Variants in RGMB observed in about 807,000 individuals in gnomAD.
RGMB encodes the protein repulsive guidance molecule BMP co-receptor b, also known as repulsive guidance molecule B.
In RGMB, 16 loss-of-function variants were observed where a neutral mutation model predicts 26.9. The observed-to-expected ratio is 0.60, with a 90% CI of 0.40 to 0.90. The LOEUF is 0.90. Ranked by LOEUF, RGMB falls within the 40% of genes least tolerant of loss-of-function variation. The pLI is 0.00. For missense variants in RGMB, 512 were observed against 573.3 expected, an observed-to-expected ratio of 0.89 and a Z score of 1.09; for synonymous variants, 225 against 229.3, an observed-to-expected ratio of 0.98 and a Z score of 0.17.
At chr5:98,776,955 G>A (rs928264886) in intron 1 of RGMB, among the ~76,000 whole-genome samples, 2 of 152,004 alleles carry the variant, frequency 1.3e-5, no homozygotes, top group Admixed American at 1.3e-4. Flanking sequence ...GTGTGGTGGC[G>A]CGTGCCTGTA....
At chr5:98,780,233 A>G (rs1046166388) in intron 2 of RGMB, 145 bp downstream of exon 2, 25 of 679,264 alleles carry the variant, frequency 3.7e-5, no homozygotes, top group Non-Finnish European at 1.7e-5. Flanking sequence ...AAAGGGTTAA[A>G]TAAAAATTAT....
intron 2 of RGMB, among the ~76,000 whole-genome samples, chr5:98,791,648 T>A (rs532872380): frequency 6.6e-6 from 1 of 152,306 alleles, no homozygotes; most frequent in South Asian, 2.1e-4. Flanking sequence ...ATACTTTTTG[T>A]TTTTTCAAGA....
chr5:98,788,228 C>T (rs1746820954), intron 2 of RGMB, among the ~76,000 whole-genome samples: 1 of 152,196 alleles, frequency 6.6e-6, no homozygotes, highest in Non-Finnish European at 1.5e-5. Context: ...CTCGTAAACA[C>T]AGGTACTGTC....
At chr5:98,775,153 C>T (rs1308040286) in intron 1 of RGMB, among the ~76,000 whole-genome samples, 1 of 152,106 alleles carries the variant, frequency 6.6e-6, no homozygotes, top group African/African-American at 2.4e-5. Context: ...ATATGAGACA[C>T]TTCACAACGT....
In RGMB at chr5:98,774,017, A is replaced by G; in HGVS notation, c.-54A>G. On this transcript the variant is annotated 5_prime_UTR_variant, in exon 1 of 3. Coordinates refer to ENST00000513185, the MANE Select transcript of RGMB (RefSeq NM_001366508.1). ...CCGCAGCCACGGGCCCAGACCCGCCACGGCGCCCGCGCCGCCGCCCTCGCC... is the reference window on the plus strand; with the variant it reads ...CCGCAGCCACGGGCCCAGACCCGCCGCGGCGCCCGCGCCGCCGCCCTCGCC... 1 of 662,254 alleles carries G rather than the reference A, an allele frequency of 1.5e-6. No homozygotes were observed. The highest frequency in any genetic ancestry group is 2.8e-5 in the Admixed American group (1 of 35,874). The allele number at this position is 662,254 out of a possible 1,614,324, so 41.0% of individuals were successfully genotyped here.
rs553391197 is a variant in RGMB, at chr5:98,776,702, G to C, written c.136+2496G>C. On this transcript the variant is annotated intron_variant, in intron 1 of 2. Transcript: ENST00000513185. ...CCCATCATCTCTGTAGCAGAAGGCT[G>C]TTGGAAGCCTTAGCCAAAGCAAAAG... Among the ~76,000 whole-genome samples the C allele has an allele frequency of 1.4e-3, 209 of 152,252 alleles. 10 individuals are homozygous for C. The South Asian group carries it at 0.042, about 31-fold the overall frequency.
upstream of RGMB, chr5:98,770,456 G>C (rs958345968): frequency 4.7e-6 from 2 of 422,402 alleles, no homozygotes; most frequent in Non-Finnish European, 8.5e-6. Context: ...GTTTTGAGCG[G>C]TGAGAGCAGC....
Position 98,793,590 on chromosome 5 carries a change from T to TAG in RGMB, c.1151_1152insAG (p.Phe384LeufsTer44). On this transcript the variant is annotated frameshift_variant, in exon 3 of 3. Coordinates refer to ENST00000513185, the MANE Select transcript of RGMB (RefSeq NM_001366508.1). LOFTEE classifies it low-confidence loss of function (END_TRUNC). ...CTGCTCACCACTGGTGATGCCAACT[T>TAG]TACTGCCGCAGCCCACAGTGCCTTG... is the stretch of plus-strand genomic sequence containing the variant. The TAG allele has an allele frequency of 6.2e-7, 1 of 1,613,968 alleles. No homozygotes were observed. Among genetic ancestry groups the TAG allele is most frequent in the Non-Finnish European group, 8.5e-7 (1 of 1,179,890 alleles).
chr5:98,782,340 A>G (rs1306869311), intron 2 of RGMB, among the ~76,000 whole-genome samples: 3 of 152,246 alleles, frequency 2.0e-5, no homozygotes, highest in Non-Finnish European at 4.4e-5. Flanking sequence ...AACCTTTAAA[A>G]ACCTTCAGCA....
At chr5:98,789,076 A>C (rs553357849) in intron 2 of RGMB, among the ~76,000 whole-genome samples, 1 of 152,252 alleles carries the variant, frequency 6.6e-6, no homozygotes, top group Non-Finnish European at 1.5e-5. Context: ...AATAAAATTC[A>C]TCGACTTCTT....
At position 98,793,859 on chromosome 5, in the gene RGMB, A is replaced by G; in HGVS notation, c.*106A>G. On this transcript the variant is annotated 3_prime_UTR_variant, in exon 3 of 3. Transcript: ENST00000513185. ...AAGAGTATATATGTATATACCATGTATATGACAGGATGTTTGTCCTGGGAC... is the reference window on the plus strand; with the variant it reads ...AAGAGTATATATGTATATACCATGTGTATGACAGGATGTTTGTCCTGGGAC... 1 of 867,310 alleles carries G rather than the reference A, an allele frequency of 1.2e-6. No homozygotes were observed. Among genetic ancestry groups the G allele is most frequent in the East Asian group, 2.7e-5 (1 of 37,118 alleles). 53.7% of individuals were successfully genotyped at this position (867,310 alleles called of 1,614,324 possible).
At chr5:98,780,197 C>A in intron 2 of RGMB, 109 bp downstream of exon 2, 2 of 1,000,936 alleles carry the variant, frequency 2.0e-6, no homozygotes, top group South Asian at 3.6e-5. Flanking sequence ...AAAGGAACTT[C>A]TTTTGAAAAG....
chr5:98,787,580 G>A (rs922494463), intron 2 of RGMB, among the ~76,000 whole-genome samples: 2 of 152,180 alleles, frequency 1.3e-5, no homozygotes, highest in Non-Finnish European at 2.9e-5. Context: ...TTCATATCTG[G>A]GCATATAGTG....
intron 2 of RGMB, among the ~76,000 whole-genome samples, chr5:98,792,360 C>T (rs1027480744): frequency 2.6e-5 from 4 of 152,116 alleles, no homozygotes; most frequent in Non-Finnish European, 4.4e-5. Context: ...AACTCAGAAA[C>T]GAGCCTTTTT....
At position 98,793,847 on chromosome 5, in the gene RGMB, T is replaced by C; in HGVS notation, c.*94T>C. 1.1e-6 allele frequency: 1 copy of C among 939,410 alleles called. No individual in the cohort carries two copies. Among genetic ancestry groups the C allele is most frequent in the Non-Finnish European group, 1.5e-6 (1 of 646,018 alleles). The allele number at this position is 939,410 out of a possible 1,614,324, so 58.2% of individuals were successfully genotyped here. ...TATATTGAGTAAAAGAGTATATATGTATATACCATGTATATGACAGGATGT... is the reference window on the plus strand; with the variant it reads ...TATATTGAGTAAAAGAGTATATATGCATATACCATGTATATGACAGGATGT... On this transcript the variant is annotated 3_prime_UTR_variant, in exon 3 of 3. Transcript: ENST00000513185.
At chr5:98,789,534 A>T (rs1580292331) in intron 2 of RGMB, among the ~76,000 whole-genome samples, 1 of 151,634 alleles carries the variant, frequency 6.6e-6, no homozygotes, top group Non-Finnish European at 1.5e-5. Context: ...AAATTATTTC[A>T]CAGCAAACCT....
Position 98,774,027 on chromosome 5 carries a change from C to A in RGMB, c.-44C>A. On this transcript the variant is annotated 5_prime_UTR_variant, in exon 1 of 3. Coordinates refer to ENST00000513185, the MANE Select transcript of RGMB (RefSeq NM_001366508.1). ...GGGCCCAGACCCGCCACGGCGCCCGCGCCGCCGCCCTCGCCGGAGCCCACG... is the reference window on the plus strand; with the variant it reads ...GGGCCCAGACCCGCCACGGCGCCCGAGCCGCCGCCCTCGCCGGAGCCCACG... 1.4e-6 allele frequency: 1 copy of A among 699,278 alleles called. No homozygotes were observed. Among genetic ancestry groups the A allele is most frequent in the African/African-American group, 1.9e-5 (1 of 52,922 alleles). The allele number at this position is 699,278 out of a possible 1,614,324, so 43.3% of individuals were successfully genotyped here. A position where few individuals can be genotyped will look rare whatever the true frequency, so the allele number is the denominator to read the frequency against.
chr5:98,774,153 C>G lies in RGMB; in HGVS notation c.83C>G (p.Pro28Arg), dbSNP rs1289615016. The change falls in exon 1 of 3, where the codon CCG becomes CGG. Residue 28 changes from proline (P) to arginine (R), a missense_variant. Physicochemically the swap from Pro to Arg is moderately radical, Grantham distance 103. Transcript: ENST00000513185. ...CGCCGCAGCCCCGGGCTCTGCCCCC[C>G]GCCGCTGGAGCTGCTGCTGCTGCTG... ...EQRRSPGLCP[P>R]PLELLLLLLF... 2.0e-6 allele frequency: 3 copies of G among 1,498,160 alleles called. No individual in the cohort carries two copies. Among genetic ancestry groups the G allele is most frequent in the Admixed American group, 4.2e-5 (2 of 47,476 alleles). The allele number at this position is 1,498,160 out of a possible 1,614,324, so 92.8% of individuals were successfully genotyped here. A position where few individuals can be genotyped will look rare whatever the true frequency, so the allele number is the denominator to read the frequency against.
chr5:98,786,483 T>C (rs2662260), intron 2 of RGMB, among the ~76,000 whole-genome samples: 22,823 of 152,218 alleles, frequency 0.15, 1,865 homozygotes, highest in Middle Eastern at 0.22. Flanking sequence ...GGGGAAGGGG[T>C]GAGAAGGAAG....
Sources: gnomAD v4.1 joint callset for allele counts (sites outside exome capture counted in the v4.1 genomes callset) on GRCh38, gnomAD v4.1.1 for gene constraint, MANE v1.5 for transcripts, NCBI Gene and HGNC (gene_info 2026-07-23, HGNC 2026-07-21) for gene names.